PPP1R13B: variants seen among roughly 807,000 people sequenced by gnomAD.
PPP1R13B encodes apoptosis-stimulating of p53 protein 1.
PPP1R13B carries 44 observed loss-of-function variants against 119.8 expected under a neutral mutation model. The observed-to-expected ratio is 0.37, with a 90% CI of 0.29 to 0.47. The LOEUF (loss-of-function observed/expected upper bound fraction) is 0.47, where lower values mean the gene tolerates loss of function less well. Ranked by LOEUF, PPP1R13B falls within the 20% of genes least tolerant of loss-of-function variation. The probability of loss-of-function intolerance (pLI) is 0.99; values close to 1 mark genes in which losing one functional copy is unlikely to be tolerated. For synonymous variants in PPP1R13B, 542 were observed against 561.5 expected (o/e 0.97, Z 0.49); for missense variants, 1,227 against 1,413.5 (o/e 0.87, Z 2.12).
intron 1 of PPP1R13B, among the ~76,000 whole-genome samples, chr14:103,819,156 G>A (rs945587509): frequency 3.9e-5 from 6 of 152,194 alleles, no homozygotes; most frequent in Non-Finnish European, 7.3e-5. Context: ...CTTGACTGAA[G>A]CAGGGAAATC....
At chr14:103,735,300 C>CAGCA (rs2084074406) in intron 16 of PPP1R13B, 105 bp from the exon 17 acceptor site, 1 of 1,080,290 alleles carries the variant, frequency 9.3e-7, no homozygotes, top group Admixed American at 1.7e-5. Flanking sequence ...GACAGCCGTG[C>CAGCA]AGCACCCTTG....
At chr14:103,847,128 C>A in intron 1 of PPP1R13B, 171 bp downstream of exon 1, 1 of 984,098 alleles carries the variant, frequency 1.0e-6, no homozygotes, top group South Asian at 4.7e-5. Flanking sequence ...GGCGCCGCCC[C>A]CACCTGCCCG....
intron 3 of PPP1R13B, 46 bp from the exon 4 acceptor site, chr14:103,778,867 AAAGT>A (rs749942320): frequency 7.2e-7 from 1 of 1,392,608 alleles, no homozygotes. Context: ...GTATTAGAAA[AAAGT>A]AATATTCTCC....
At chr14:103,805,997 T>TA (rs2086008642) in intron 1 of PPP1R13B, among the ~76,000 whole-genome samples, 1 of 152,222 alleles carries the variant, frequency 6.6e-6, no homozygotes, top group Non-Finnish European at 1.5e-5. Flanking sequence ...AATGTTCACT[T>TA]AAAATAGGTA....
At chr14:103,848,237 A>G, upstream of PPP1R13B, 7 of 984,400 alleles carry the variant, frequency 7.1e-6, no homozygotes, top group Non-Finnish European at 8.4e-6. Context: ...TCTCCCGCCT[A>G]GAACCCCGCG....
intron 11 of PPP1R13B, 54 bp downstream of exon 11, chr14:103,741,736 A>C: frequency 1.3e-6 from 2 of 1,538,212 alleles, no homozygotes; most frequent in Non-Finnish European, 1.8e-6. Context: ...TATTTTCTTA[A>C]TTAAAAGTAT....
intron 1 of PPP1R13B, among the ~76,000 whole-genome samples, chr14:103,841,691 A>C (rs1200810831): frequency 6.6e-6 from 1 of 152,204 alleles, no homozygotes; most frequent in East Asian, 1.9e-4. Context: ...AAGTCACCTA[A>C]TTCTTAATTA....
rs775073242 is a variant in PPP1R13B, at chr14:103,738,955, G to T, written c.2661C>A (p.Asn887Lys). The T allele has an allele frequency of 1.2e-6, 2 of 1,614,112 alleles. No homozygotes were observed. The highest frequency in any genetic ancestry group is 1.1e-5 in the South Asian group (1 of 91,084). The change falls in exon 13 of 17, where the codon AAC becomes AAA. Residue 887 changes from asparagine to lysine, a missense_variant. By Grantham distance (94) the Asn-to-Lys change is moderately conservative. Transcript: ENST00000202556. This position sits in a 1 kb window ranked among gnomAD's most constrained non-coding sequence, Gnocchi z 5.6. Reference protein sequence around the residue: ...RTGHGLRVRFNPLALLLDASL... With the variant: ...RTGHGLRVRFKPLALLLDASL... ...ACGCGTCTAGGAGCAGTGCCAGGGG[G>T]TTAAACCGGACTCTCAGCCCGTGCC...
Position 103,754,208 on chromosome 14 carries a change from G to T in PPP1R13B, c.493C>A (p.Arg165Ser). The T allele has an allele frequency of 6.2e-7, 1 of 1,613,648 alleles. No homozygotes were observed. The highest frequency in any genetic ancestry group is 8.5e-7 in the Non-Finnish European group (1 of 1,179,902). Reference protein sequence around the residue: ...RLHFLKQQERRQQQSISENEK... With the variant: ...RLHFLKQQERSQQQSISENEK... ...TTTTCAGAAATAGACTGCTGCTGAC[G>T]GCGCTCCTGTTGCTTTAGAAAATGT... Residue 165 changes from arginine to serine, a missense_variant, in exon 6 of 17, where the codon CGT (arginine) becomes AGT (serine). Coordinates refer to ENST00000202556, the MANE Select transcript of PPP1R13B (RefSeq NM_015316.3).
At chr14:103,771,715 A>G (rs2085074208) in intron 4 of PPP1R13B, among the ~76,000 whole-genome samples, 1 of 152,090 alleles carries the variant, frequency 6.6e-6, no homozygotes, top group Non-Finnish European at 1.5e-5. Context: ...TCCTGACCTC[A>G]GGTGACCCAC....
At chr14:103,750,579 C>G (rs1167798820) in intron 7 of PPP1R13B, among the ~76,000 whole-genome samples, 1 of 152,150 alleles carries the variant, frequency 6.6e-6, no homozygotes, top group Non-Finnish European at 1.5e-5. Context: ...GCCTGTAATC[C>G]CAGCACTCTG....
intron 1 of PPP1R13B, among the ~76,000 whole-genome samples, chr14:103,831,417 C>T (rs2086661855): frequency 6.7e-6 from 1 of 149,720 alleles, no homozygotes; most frequent in Non-Finnish European, 1.5e-5. Context: ...TCAAGTGATT[C>T]TCGTATCTCA....
intron 11 of PPP1R13B, 132 bp downstream of exon 11, chr14:103,741,658 G>A: frequency 3.4e-6 from 4 of 1,193,334 alleles, no homozygotes; most frequent in East Asian, 2.4e-5. Context: ...ACCCAAGGCT[G>A]TACTTTTATG....
chr14:103,808,396 T>C (rs1458181266), intron 1 of PPP1R13B, among the ~76,000 whole-genome samples: 1 of 152,068 alleles, frequency 6.6e-6, no homozygotes, highest in African/African-American at 2.4e-5. Flanking sequence ...ACTGGAGAAT[T>C]GTCTTGGGCT....
chr14:103,774,421 C>A (rs967911495), intron 4 of PPP1R13B, among the ~76,000 whole-genome samples: 2 of 152,182 alleles, frequency 1.3e-5, no homozygotes, highest in African/African-American at 2.4e-5. Context: ...GTGGTCCTAG[C>A]AAACCACGGA....
chr14:103,762,413 T>A (rs2084828041), intron 4 of PPP1R13B, among the ~76,000 whole-genome samples: 2 of 128,612 alleles, frequency 1.6e-5, no homozygotes, highest in South Asian at 2.5e-4. Flanking sequence ...ATTATGGTTA[T>A]AATAGGCAAG....
rs115238257 is a variant in PPP1R13B, at chr14:103,837,058, A to G, written c.9+10241T>C. On this transcript the variant is annotated intron_variant, in intron 1 of 16. Coordinates refer to ENST00000202556, the MANE Select transcript of PPP1R13B (RefSeq NM_015316.3). ...CAGGACACAAGAAATCAACACAGAC[A>G]GAAATTACACCTCTACAAAAAGTGT... 6.5e-3 allele frequency among the ~76,000 whole-genome samples: 984 copies of G among 152,384 alleles called. 11 individuals carry two copies. Among genetic ancestry groups the G allele is most frequent in the African/African-American group, 0.023 (950 of 41,594 alleles).
chr14:103,772,203 C>A (rs1297267998), intron 4 of PPP1R13B, among the ~76,000 whole-genome samples: 1 of 152,204 alleles, frequency 6.6e-6, no homozygotes, highest in Non-Finnish European at 1.5e-5. Flanking sequence ...GAATATTCCA[C>A]TGTGAGGATA....
Position 103,782,129 on chromosome 14 carries a change from G to A in PPP1R13B, c.277+2666C>T, listed in dbSNP as rs145023723. ...ACAGCCACTTTTCCCTTTCCCCCCA[G>A]GCCAACAACATCCCCAGTTGCGTAG... On this transcript the variant is annotated intron_variant, in intron 3 of 16. Coordinates refer to ENST00000202556, the MANE Select transcript of PPP1R13B (RefSeq NM_015316.3). Among the ~76,000 whole-genome samples the A allele has an allele frequency of 4.2e-3, 639 of 152,068 alleles. 6 individuals are homozygous for A. The highest frequency in any genetic ancestry group is 0.015 in the African/African-American group (610 of 41,474).
Sources: gnomAD v4.1 joint callset for allele counts (sites outside exome capture counted in the v4.1 genomes callset) on GRCh38, gnomAD v4.1.1 for gene constraint, Gnocchi (gnomAD v3.1) non-coding constraint, MANE v1.5 for transcripts, NCBI Gene and HGNC (gene_info 2026-07-23, HGNC 2026-07-21) for gene names.